Variants in TUFT1 observed in about 807,000 individuals in gnomAD.
TUFT1 encodes tuftelin.
In TUFT1, 43 loss-of-function variants were observed where a neutral mutation model predicts 57.8. That is an observed-to-expected ratio of 0.74 (90% CI 0.58 to 0.96). The LOEUF (loss-of-function observed/expected upper bound fraction) is 0.96, where lower values mean the gene tolerates loss of function less well. Ranked by LOEUF, TUFT1 falls within the 40% of genes least tolerant of loss-of-function variation. The pLI, the probability that TUFT1 is intolerant of heterozygous loss-of-function variation, is 0.00. For missense variants in TUFT1, 459 were observed against 489.0 expected (o/e 0.94, Z 0.58); for synonymous variants, 166 against 176.7 (o/e 0.94, Z 0.48).
chr1:151,568,486 T>C (rs1666149448), intron 6 of TUFT1, among the ~76,000 whole-genome samples: 1 of 152,270 alleles, frequency 6.6e-6, no homozygotes, highest in South Asian at 2.1e-4. Flanking sequence ...TTATATCATA[T>C]GATGAAATAA....
At chr1:151,563,474 G>A (rs1665964937) in intron 3 of TUFT1, among the ~76,000 whole-genome samples, 1 of 152,136 alleles carries the variant, frequency 6.6e-6, no homozygotes, top group Non-Finnish European at 1.5e-5. Context: ...GTAACATGCT[G>A]TGCAGGTTTG....
In TUFT1 at chr1:151,562,777, G is replaced by A. The variant is rs907582202; in HGVS notation, c.237+91G>A. The A allele has an allele frequency of 4.3e-6, 5 of 1,158,296 alleles. No individual in the cohort carries two copies. The African/African-American group carries it at 7.6e-5, about 18-fold the overall frequency. The allele number at this position is 1,158,296 out of a possible 1,614,324, so 71.8% of individuals were successfully genotyped here. ...GCAGTTGATGTTGTTGCCAAAGGGA[G>A]CTTGTGGTTTGATGGAAGGAACCAG... On this transcript the variant is annotated intron_variant, in intron 3 of 12. Transcript: ENST00000368849.
chr1:151,567,131 G>A (rs1482546148), intron 6 of TUFT1, among the ~76,000 whole-genome samples: 1 of 152,144 alleles, frequency 6.6e-6, no homozygotes, highest in African/African-American at 2.4e-5. Context: ...GAATTCTTGG[G>A]CTCAAGTGAT....
At chr1:151,552,765 G>T (rs1665552874) in intron 1 of TUFT1, among the ~76,000 whole-genome samples, 1 of 147,570 alleles carries the variant, frequency 6.8e-6, no homozygotes, top group South Asian at 2.2e-4. Flanking sequence ...ATAGTTTTAG[G>T]TGACATAGGA....
chr1:151,577,216 G>A (rs1423977244), intron 9 of TUFT1, among the ~76,000 whole-genome samples: 1 of 152,208 alleles, frequency 6.6e-6, no homozygotes, highest in East Asian at 1.9e-4. Context: ...TAGGGTTCTT[G>A]TGGCGGTTCA....
chr1:151,580,827 G>A lies in TUFT1; in HGVS notation c.1009-115G>A, dbSNP rs1666624757. ...TATCCAGGTGGTGGCACGCATGGTG[G>A]GGGTAGAGGCAACAGCAGCATAAAC... On this transcript the variant is annotated intron_variant, in intron 11 of 12. Transcript: ENST00000368849. 5 of 855,726 alleles carry A rather than the reference G, an allele frequency of 5.8e-6. No individual in the cohort carries two copies. The Admixed American group carries it at 1.0e-4, about 17-fold the overall frequency. The allele number at this position is 855,726 out of a possible 1,614,324, so 53.0% of individuals were successfully genotyped here. A position where few individuals can be genotyped will look rare whatever the true frequency, so the allele number is the denominator to read the frequency against.
chr1:151,560,808 C>A (rs1331783714), intron 1 of TUFT1, among the ~76,000 whole-genome samples: 1 of 152,210 alleles, frequency 6.6e-6, no homozygotes, highest in African/African-American at 2.4e-5. Context: ...AGTGGCTAAG[C>A]CCCTCATTCA....
At chr1:151,563,057 T>TA in intron 3 of TUFT1, among the ~76,000 whole-genome samples, 1 of 152,150 alleles carries the variant, frequency 6.6e-6, no homozygotes, top group South Asian at 2.1e-4. Flanking sequence ...TATTTATATA[T>TA]TTTTAGTTTT....
Position 151,571,619 on chromosome 1 carries a change from A to G in TUFT1, c.594+1849A>G, listed in dbSNP as rs146892394. Among the ~76,000 whole-genome samples the G allele has an allele frequency of 4.3e-3, 655 of 152,288 alleles. 8 individuals carry two copies. The highest frequency in any genetic ancestry group is 0.015 in the African/African-American group (630 of 41,564). On this transcript the variant is annotated intron_variant, in intron 7 of 12. Coordinates refer to ENST00000368849, the MANE Select transcript of TUFT1 (RefSeq NM_020127.3). ...GGTGATGTATCAGTTGGTGACCAGC[A>G]GTTTCCTACCTTTTCCAAACAAAAC...
chr1:151,563,273 C>G (rs1433943730), intron 3 of TUFT1, among the ~76,000 whole-genome samples: 1 of 151,796 alleles, frequency 6.6e-6, no homozygotes, highest in Non-Finnish European at 1.5e-5. Context: ...GATATAAATC[C>G]CATACCACAT....
chr1:151,570,749 C>G (rs1666229098), intron 7 of TUFT1, among the ~76,000 whole-genome samples: 1 of 152,020 alleles, frequency 6.6e-6, no homozygotes, highest in African/African-American at 2.4e-5. Flanking sequence ...CACTCTATTG[C>G]CAGGCTTGAG....
chr1:151,548,150 G>T (rs775051089), intron 1 of TUFT1, among the ~76,000 whole-genome samples: 1 of 152,154 alleles, frequency 6.6e-6, no homozygotes, highest in Non-Finnish European at 1.5e-5. Flanking sequence ...AGTCGGGTGC[G>T]AGCCTCACTC....
chr1:151,557,443 G>A (rs948484334), intron 1 of TUFT1: 40 of 1,300,502 alleles, frequency 3.1e-5, no homozygotes, highest in Middle Eastern at 2.6e-4. Flanking sequence ...TACAGCCACC[G>A]AGATGTTGAT....
intron 7 of TUFT1, among the ~76,000 whole-genome samples, chr1:151,572,680 C>G (rs1666295776): frequency 6.6e-6 from 1 of 152,106 alleles, no homozygotes; most frequent in Non-Finnish European, 1.5e-5. Flanking sequence ...GATCAATTAC[C>G]ATGAAAATAA....
At chr1:151,579,570 C>G (rs757143636) in intron 10 of TUFT1, 79 bp from the exon 11 acceptor site, 84 of 1,470,768 alleles carry the variant, frequency 5.7e-5, no homozygotes, top group Admixed American at 1.1e-4. Flanking sequence ...GCTGCCTTCC[C>G]CAGCAGCTGG....
In TUFT1 at chr1:151,564,520, C is replaced by A. The variant is rs759239598; in HGVS notation, c.325-5C>A. ...AAGCTCAAGTTTCTTCCCCTCCCCT[C>A]CCAGGCCAGGAACTGCCTACAGAAG... On this transcript the variant is annotated splice_polypyrimidine_tract_variant and splice_region_variant and intron_variant, in intron 4 of 12. Transcript: ENST00000368849. 2 of 1,613,298 alleles carry A rather than the reference C, an allele frequency of 1.2e-6. No homozygotes were observed. The highest frequency in any genetic ancestry group is 2.7e-5 in the African/African-American group (2 of 74,908).
chr1:151,563,169 A>G (rs1665952721), intron 3 of TUFT1, among the ~76,000 whole-genome samples: 1 of 152,162 alleles, frequency 6.6e-6, no homozygotes, highest in Admixed American at 6.5e-5. Context: ...ATAGGCGTGC[A>G]CCAGCCCACC....
Position 151,582,030 on chromosome 1 carries a change from C to A in TUFT1, c.*323C>A. 1.8e-6 allele frequency: 1 copy of A among 548,880 alleles called. No individual in the cohort carries two copies. The highest frequency in any genetic ancestry group is 3.5e-6 in the Non-Finnish European group (1 of 287,702). The allele number at this position is 548,880 out of a possible 1,614,324, so 34.0% of individuals were successfully genotyped here. ...GTTGTAGACTGGACTCTGGCTGTGC[C>A]ATAAGCCAGGCCTTCATCAGATTGG... On this transcript the variant is annotated 3_prime_UTR_variant, in exon 13 of 13. Transcript: ENST00000368849.
intron 7 of TUFT1, among the ~76,000 whole-genome samples, chr1:151,573,120 G>C (rs927248730): frequency 1.3e-5 from 2 of 152,140 alleles, no homozygotes; most frequent in African/African-American, 4.8e-5. Context: ...ATTTTATTGA[G>C]TAGTTACTGC....
Sources: gnomAD v4.1 joint callset for allele counts (sites outside exome capture counted in the v4.1 genomes callset) on GRCh38, gnomAD v4.1.1 for gene constraint, MANE v1.5 for transcripts, NCBI Gene and HGNC (gene_info 2026-07-23, HGNC 2026-07-21) for gene names.